The following MYRIP variants were observed in gnomAD, a reference collection of about 807,000 sequenced individuals.
The protein encoded by MYRIP is rab effector MyRIP.
In MYRIP, 49 loss-of-function variants were observed where a neutral mutation model predicts 98.0. That is an observed-to-expected ratio of 0.50 (90% CI 0.40 to 0.63). MYRIP has a LOEUF of 0.63. Ranked by LOEUF, MYRIP falls within the 30% of genes least tolerant of loss-of-function variation. The probability of loss-of-function intolerance (pLI) is 0.00; values close to 1 mark genes in which losing one functional copy is unlikely to be tolerated. For synonymous variants in MYRIP, 404 were observed against 409.5 expected (o/e 0.99, Z 0.16); for missense variants, 1,004 against 1,058.2 (o/e 0.95, Z 0.71).
intron 2 of MYRIP, among the ~76,000 whole-genome samples, chr3:40,014,147 C>A (rs1021180031): frequency 2.0e-5 from 3 of 152,088 alleles, no homozygotes; most frequent in African/African-American, 7.2e-5. Flanking sequence ...ATTTAAGATT[C>A]TTATTTAATT....
chr3:40,134,910 A>G (rs1438671722), intron 3 of MYRIP, among the ~76,000 whole-genome samples: 1 of 152,224 alleles, frequency 6.6e-6, no homozygotes, highest in Non-Finnish European at 1.5e-5. Flanking sequence ...AACGAAATGT[A>G]GATAAAACCA....
At chr3:39,995,104 A>G (rs574430287) in intron 2 of MYRIP, among the ~76,000 whole-genome samples, 3 of 152,356 alleles carry the variant, frequency 2.0e-5, no homozygotes, top group Admixed American at 1.3e-4. Context: ...ACAGCAGAAA[A>G]ACTGGAAACT....
chr3:39,826,085 C>T (rs1941253799), intron 1 of MYRIP, among the ~76,000 whole-genome samples: 1 of 151,482 alleles, frequency 6.6e-6, no homozygotes, highest in Non-Finnish European at 1.5e-5. Flanking sequence ...CTTAGTCTAG[C>T]TAATAGTTTG....
chr3:39,880,099 C>A (rs934876897), intron 1 of MYRIP, among the ~76,000 whole-genome samples: 2 of 151,840 alleles, frequency 1.3e-5, no homozygotes, highest in Non-Finnish European at 2.9e-5. Context: ...GGTACATGTG[C>A]ACAACGTGCA....
chr3:39,875,716 T>A (rs1324326516), intron 1 of MYRIP, among the ~76,000 whole-genome samples: 185 of 149,126 alleles, frequency 1.2e-3, no homozygotes, highest in African/African-American at 4.4e-3. Context: ...CAGTTTGTTA[T>A]AATTTCTGTT....
At chr3:40,005,864 A>G (rs1946621610) in intron 2 of MYRIP, among the ~76,000 whole-genome samples, 1 of 152,218 alleles carries the variant, frequency 6.6e-6, no homozygotes, top group Admixed American at 6.5e-5. Context: ...GCATGCACAC[A>G]TATATATAAT....
At chr3:39,878,752 A>C (rs1943081421) in intron 1 of MYRIP, among the ~76,000 whole-genome samples, 1 of 152,096 alleles carries the variant, frequency 6.6e-6, no homozygotes, top group East Asian at 1.9e-4. Context: ...AAAATACTAC[A>C]ACTTCTTTTA....
At chr3:39,840,965 C>T (rs564195695) in intron 1 of MYRIP, among the ~76,000 whole-genome samples, 1 of 152,234 alleles carries the variant, frequency 6.6e-6, no homozygotes, top group African/African-American at 2.4e-5. Flanking sequence ...CAAGGAGTAT[C>T]TTTGTGGTGT....
rs139003595 is a variant in MYRIP at position 40,060,813 on chromosome 3, G to A, written c.332+16542G>A. Among the ~76,000 whole-genome samples the A allele has an allele frequency of 8.7e-3, 1,318 of 152,008 alleles. 16 individuals carry two copies. The highest frequency in any genetic ancestry group is 0.029 in the African/African-American group (1,208 of 41,470). ...TCATTATGTTGGCCAGGCTGGTCTC[G>A]AACTCCTGATATCAGGCGATCCACC... is the stretch of plus-strand genomic sequence containing the variant. On this transcript the variant is annotated intron_variant, in intron 3 of 16. Transcript: ENST00000302541.
chr3:40,217,816 C>T (rs1004831426), intron 11 of MYRIP, among the ~76,000 whole-genome samples: 13 of 152,144 alleles, frequency 8.5e-5, no homozygotes, highest in Admixed American at 1.3e-4. Flanking sequence ...ATGTCTTCTA[C>T]TACTTTCATG....
At chr3:40,169,712 A>T (rs1950570171) in intron 7 of MYRIP, among the ~76,000 whole-genome samples, 1 of 152,254 alleles carries the variant, frequency 6.6e-6, no homozygotes, top group Non-Finnish European at 1.5e-5. Flanking sequence ...TAGGCACTTA[A>T]TAAATAGAGA....
At chr3:39,820,517 A>C (rs926108364) in intron 1 of MYRIP, among the ~76,000 whole-genome samples, 2 of 152,182 alleles carry the variant, frequency 1.3e-5, no homozygotes, top group Admixed American at 6.5e-5. Flanking sequence ...CCAGCCTCAG[A>C]AAATATGGCA....
intron 2 of MYRIP, among the ~76,000 whole-genome samples, chr3:39,922,883 GTGA>G (rs1366042392): frequency 6.6e-6 from 1 of 152,132 alleles, no homozygotes; most frequent in African/African-American, 2.4e-5. Context: ...GAGGGCAGAG[GTGA>G]TGGAATTATC....
At chr3:39,947,869 C>A (rs9861520) in intron 2 of MYRIP, among the ~76,000 whole-genome samples, 28,955 of 152,082 alleles carry the variant, frequency 0.19, 4,019 homozygotes, top group African/African-American at 0.39. Context: ...AGGTGATTCA[C>A]GTTTACTTCA....
At chr3:39,994,507 G>C (rs912700742) in intron 2 of MYRIP, among the ~76,000 whole-genome samples, 21 of 152,182 alleles carry the variant, frequency 1.4e-4, no homozygotes, top group African/African-American at 4.8e-4. Context: ...GCCTGCCATT[G>C]CTGAGGCTTG....
At chr3:39,984,449 T>G (rs1003801628) in intron 2 of MYRIP, among the ~76,000 whole-genome samples, 1 of 152,040 alleles carries the variant, frequency 6.6e-6, no homozygotes, top group African/African-American at 2.4e-5. Flanking sequence ...ATTGTTCAAT[T>G]CCCACCTATG....
chr3:40,043,947 G>T lies in MYRIP; in HGVS notation c.111-103G>T. 3.0e-6 allele frequency: 3 copies of T among 1,010,642 alleles called. No homozygotes were observed. The South Asian group carries it at 4.7e-5, about 16-fold the overall frequency. 62.6% of individuals were successfully genotyped at this position (1,010,642 alleles called of 1,614,324 possible). A position where few individuals can be genotyped will look rare whatever the true frequency, so the allele number is the denominator to read the frequency against. ...TTCTCCAGGAAGGTCCTACATGGTA[G>T]CTTGGCCTAAGGGAGGGACAGGGTG... On this transcript the variant is annotated intron_variant, in intron 2 of 16. Coordinates refer to ENST00000302541, the MANE Select transcript of MYRIP (RefSeq NM_015460.4).
intron 1 of MYRIP, among the ~76,000 whole-genome samples, chr3:39,875,606 G>T (rs1486692370): frequency 6.6e-6 from 1 of 151,406 alleles, no homozygotes; most frequent in Non-Finnish European, 1.5e-5. Context: ...GTACCCAGTA[G>T]TCATTCAGGA....
intron 1 of MYRIP, among the ~76,000 whole-genome samples, chr3:39,887,642 A>C (rs1050764810): frequency 6.6e-6 from 1 of 151,910 alleles, no homozygotes; most frequent in African/African-American, 2.4e-5. Context: ...CTCTCTCACC[A>C]CTCCTATTCA....
Sources: allele counts gnomAD v4.1 joint callset (sites outside exome capture counted in the v4.1 genomes callset), GRCh38; gene constraint gnomAD v4.1.1; transcripts MANE v1.5; gene names NCBI Gene and HGNC (gene_info 2026-07-23, HGNC 2026-07-21).